Variants in CARD19 observed in about 807,000 individuals in gnomAD.
CARD19 encodes caspase recruitment domain family member 19.
CARD19 carries 25 observed loss-of-function variants against 24.1 expected under a neutral mutation model. The ratio of observed to expected loss-of-function variants is 1.04; its 90% CI spans 0.76 to 1.45. The LOEUF is 1.45. Ranked by LOEUF, CARD19 falls within the 40% of genes most tolerant of loss-of-function variation. The pLI, the probability that CARD19 is intolerant of heterozygous loss-of-function variation, is 0.00. For missense variants in CARD19, 241 were observed against 247.4 expected (o/e 0.97, Z 0.17); for synonymous variants, 103 against 104.9 (o/e 0.98, Z 0.11).
intron 2 of CARD19, chr9:93,110,332 T>C: frequency 1.6e-6 from 1 of 623,360 alleles, no homozygotes; most frequent in South Asian, 2.3e-5. Flanking sequence ...CCAGCCTGTT[T>C]CCCAACCTCC....
At chr9:93,111,631 C>A in intron 3 of CARD19, 1 of 1,371,600 alleles carries the variant, frequency 7.3e-7, no homozygotes, top group Non-Finnish European at 9.4e-7. Flanking sequence ...AGGGCCAAGC[C>A]TTGGCCCCAC....
intron 1 of CARD19, among the ~76,000 whole-genome samples, chr9:93,105,442 G>A (rs369609594): frequency 4.6e-5 from 7 of 152,012 alleles, no homozygotes; most frequent in Non-Finnish European, 7.4e-5. Flanking sequence ...CAACATGCCC[G>A]GCTAAGTTTT....
In CARD19 at chr9:93,107,658, G is replaced by C. The variant is rs753011659; in HGVS notation, c.8-16G>C. ...TTGGGCTGTGCTGGCTCATGACCCT[G>C]TGCTATCTGTTTTAGATCAGACCTA... On this transcript the variant is annotated splice_polypyrimidine_tract_variant and intron_variant, in intron 1 of 5. Coordinates refer to ENST00000375464, the MANE Select transcript of CARD19 (RefSeq NM_032310.5). 49 of 1,614,020 alleles carry C rather than the reference G, an allele frequency of 3.0e-5. No individual in the cohort carries two copies. Among genetic ancestry groups the C allele is most frequent in the Non-Finnish European group, 4.1e-5 (48 of 1,180,020 alleles).
At chr9:93,099,372 G>A (rs149638837) in intron 1 of CARD19, among the ~76,000 whole-genome samples, 136 of 152,328 alleles carry the variant, frequency 8.9e-4, no homozygotes, top group African/African-American at 2.6e-3. Flanking sequence ...GAGGCAGAAC[G>A]TCTGAATATC....
At chr9:93,102,035 A>G (rs1827103343) in intron 1 of CARD19, among the ~76,000 whole-genome samples, 1 of 149,070 alleles carries the variant, frequency 6.7e-6, no homozygotes, top group Non-Finnish European at 1.5e-5. Flanking sequence ...CATCTCGGCT[A>G]ACTGCAACTT....
At position 93,107,830 on chromosome 9, in the gene CARD19, G is replaced by A; in HGVS notation, c.150+14G>A. 2 of 1,614,144 alleles carry A rather than the reference G, an allele frequency of 1.2e-6. No homozygotes were observed. Among genetic ancestry groups the A allele is most frequent in the East Asian group, 2.2e-5 (1 of 44,884 alleles). On this transcript the variant is annotated intron_variant, in intron 2 of 5. Coordinates refer to ENST00000375464, the MANE Select transcript of CARD19 (RefSeq NM_032310.5). The stretch of plus-strand genomic sequence containing the variant: ...GAGGCGGAAAAGGTGCTGAGGAGGT[G>A]AGGGGGGTACCCGAGACACTGCTCA...
In CARD19 at chr9:93,111,908, G is replaced by C. The variant is rs761324817; in HGVS notation, c.334G>C (p.Gly112Arg). Residue 112 changes from glycine to arginine, a missense_variant, in exon 4 of 6, where the codon GGC (glycine) becomes CGC (arginine). By Grantham distance (125) the Gly-to-Arg change is moderately radical. Coordinates refer to ENST00000375464, the MANE Select transcript of CARD19 (RefSeq NM_032310.5). ...QNSDCTELDS[G>R]SQSGELSNRG... is the part of the protein sequence containing the mutation. ...CTCAGATTGCACAGAGCTAGACTCG[G>C]GCAGCCAGAGCGGCGAGCTGAGTAA... The C allele has an allele frequency of 1.2e-5, 19 of 1,611,726 alleles. No individual in the cohort carries two copies. The highest frequency in any genetic ancestry group is 4.2e-4 in the Middle Eastern group (2 of 4,810).
rs757763460 is a variant in CARD19, at chr9:93,110,949, C to T, written c.304+228C>T. On this transcript the variant is annotated intron_variant, in intron 3 of 5. Coordinates refer to ENST00000375464, the MANE Select transcript of CARD19 (RefSeq NM_032310.5). The stretch of plus-strand genomic sequence containing the variant: ...GTTGGTCTCTGTCTCCCACTTTCTC[C>T]CCCTTCCTCCGTCTCTCTCTCATGG... 2.0e-6 allele frequency: 3 copies of T among 1,528,088 alleles called. No individual in the cohort carries two copies. The South Asian group carries it at 3.6e-5, about 18-fold the overall frequency. The allele number at this position is 1,528,088 out of a possible 1,614,324, so 94.7% of individuals were successfully genotyped here.
intron 5 of CARD19, among the ~76,000 whole-genome samples, 184 bp from the exon 6 acceptor site, chr9:93,112,808 G>A (rs980614812): frequency 1.3e-5 from 2 of 152,206 alleles, no homozygotes; most frequent in African/African-American, 4.8e-5. Context: ...GGTCACTCGG[G>A]TGGGAGCTGG....
At chr9:93,098,900 CTTTTTTTT>C (rs10693165) in intron 1 of CARD19, among the ~76,000 whole-genome samples, 1 of 120,456 alleles carries the variant, frequency 8.3e-6, no homozygotes, top group Non-Finnish European at 1.6e-5. Context: ...TTGCAGAACT[CTTTTTTTT>C]TTTTTTTTTT....
intron 3 of CARD19, 141 bp downstream of exon 3, chr9:93,110,862 C>T (rs1314880593): frequency 4.6e-6 from 7 of 1,533,400 alleles, no homozygotes; most frequent in Middle Eastern, 1.7e-4. Flanking sequence ...CGCCTCAGCC[C>T]CTCCCCAGAG....
intron 2 of CARD19, 139 bp downstream of exon 2, chr9:93,107,955 A>G: frequency 8.6e-7 from 1 of 1,158,864 alleles, no homozygotes; most frequent in African/African-American, 1.5e-5. Flanking sequence ...GAGGTGACAC[A>G]TCTGGACCTG....
chr9:93,112,016 G>C, intron 4 of CARD19, 78 bp downstream of exon 4: 1 of 1,522,582 alleles, frequency 6.6e-7, no homozygotes, highest in South Asian at 1.2e-5. Context: ...CTCCATCTCC[G>C]CCTCAGGGGC....
chr9:93,098,042 G>A (rs1347870083), intron 1 of CARD19, among the ~76,000 whole-genome samples: 1 of 152,266 alleles, frequency 6.6e-6, no homozygotes, highest in Non-Finnish European at 1.5e-5. Context: ...AGCCCTCGCT[G>A]TGAGCAGCGC....
intron 2 of CARD19, 160 bp from the exon 3 acceptor site, chr9:93,110,407 TG>T: frequency 8.8e-7 from 1 of 1,133,424 alleles, no homozygotes; most frequent in Non-Finnish European, 1.2e-6. Context: ...AGGCACTATG[TG>T]GTGTGGGTAA....
intron 3 of CARD19, chr9:93,111,147 C>T (rs2130731487): frequency 4.9e-6 from 6 of 1,220,074 alleles, no homozygotes; most frequent in Non-Finnish European, 5.2e-6. Context: ...CGGACCCTTT[C>T]ATTGCAGCGA....
chr9:93,101,923 T>A (rs927212256), intron 1 of CARD19, among the ~76,000 whole-genome samples: 11 of 151,984 alleles, frequency 7.2e-5, no homozygotes, highest in Admixed American at 5.9e-4. Flanking sequence ...TCATTGTGGT[T>A]TTTATTTGAA....
intron 2 of CARD19, among the ~76,000 whole-genome samples, chr9:93,108,046 G>A (rs984303444): frequency 1.3e-5 from 2 of 152,156 alleles, no homozygotes; most frequent in East Asian, 1.9e-4. Context: ...TCTGTGCCTC[G>A]GTTTCTTCAT....
chr9:93,105,411 G>C (rs1439093221), intron 1 of CARD19, among the ~76,000 whole-genome samples: 7 of 152,112 alleles, frequency 4.6e-5, no homozygotes, highest in African/African-American at 1.7e-4. Flanking sequence ...CTCCCAGGTA[G>C]CTGGGATTAC....
Sources: allele counts gnomAD v4.1 joint callset (sites outside exome capture counted in the v4.1 genomes callset), GRCh38; gene constraint gnomAD v4.1.1; transcripts MANE v1.5; gene names NCBI Gene and HGNC (gene_info 2026-07-23, HGNC 2026-07-21).